The following NFATC2 variants were observed in gnomAD, a reference collection of about 807,000 sequenced individuals.
The protein encoded by NFATC2 is nuclear factor of activated T cells 2.
In NFATC2, 22 loss-of-function variants were observed where a neutral mutation model predicts 87.3. That is an observed-to-expected ratio of 0.25 (90% CI 0.18 to 0.36). NFATC2 has a LOEUF of 0.36. Among genes scored for constraint, NFATC2 ranks in the 10% least tolerant of loss-of-function variants. NFATC2 has a pLI of 1.00. For missense variants in NFATC2, 1,149 were observed against 1,259.1 expected (o/e 0.91, Z 1.32); for synonymous variants, 565 against 542.2 (o/e 1.04, Z -0.58).
intron 10 of NFATC2, among the ~76,000 whole-genome samples, chr20:51,396,735 A>C (rs150625409): frequency 2.7e-4 from 41 of 152,316 alleles, no homozygotes; most frequent in African/African-American, 8.7e-4. Flanking sequence ...TCTGCCTTGC[A>C]GTGCCTTGCT....
chr20:51,526,724 A>G lies in NFATC2; in HGVS notation c.131-2614T>C, dbSNP rs113328725. On this transcript the variant is annotated intron_variant, in intron 1 of 10. Coordinates refer to ENST00000371564, the MANE Select transcript of NFATC2 (RefSeq NM_012340.5). ...GAGGAAATACTGTCCAGTTTAGCCAAGCTGATCTCTTAGGGTCCATATGGT... is the reference window on the plus strand; with the variant it reads ...GAGGAAATACTGTCCAGTTTAGCCAGGCTGATCTCTTAGGGTCCATATGGT... 6.3e-3 allele frequency among the ~76,000 whole-genome samples: 959 copies of G among 152,178 alleles called. 6 individuals carry two copies. The highest frequency in any genetic ancestry group is 0.012 in the African/African-American group (516 of 41,534).
At chr20:51,514,181 C>G (rs1199069783) in intron 3 of NFATC2, among the ~76,000 whole-genome samples, 3 of 152,142 alleles carry the variant, frequency 2.0e-5, no homozygotes, top group African/African-American at 7.2e-5. Context: ...GTGAGAATTT[C>G]CAGCTGTTTT....
chr20:51,427,576 C>T lies in NFATC2; in HGVS notation c.2722+4491G>A, dbSNP rs57850277. Among the ~76,000 whole-genome samples the T allele has an allele frequency of 7.1e-3, 1,086 of 152,236 alleles. 18 individuals are homozygous for T. The highest frequency in any genetic ancestry group is 0.025 in the African/African-American group (1,031 of 41,546). On this transcript the variant is annotated intron_variant, in intron 9 of 10. Coordinates refer to ENST00000371564, the MANE Select transcript of NFATC2 (RefSeq NM_012340.5). ...ACCCTTGACTCCCTATAGTCCATTTCGCAAAGGCAGCCAGAGTGATCTTCT... is the reference window on the plus strand; with the variant it reads ...ACCCTTGACTCCCTATAGTCCATTTTGCAAAGGCAGCCAGAGTGATCTTCT...
chr20:51,457,967 C>T (rs968051853), intron 5 of NFATC2, among the ~76,000 whole-genome samples: 3 of 151,642 alleles, frequency 2.0e-5, no homozygotes, highest in Non-Finnish European at 4.4e-5. Flanking sequence ...CTCACTGCAG[C>T]CTCTGCCTCC....
chr20:51,470,131 G>A (rs982272094), intron 5 of NFATC2, among the ~76,000 whole-genome samples: 4 of 152,150 alleles, frequency 2.6e-5, no homozygotes, highest in African/African-American at 7.2e-5. Flanking sequence ...TCATGGGTAG[G>A]CTTGTTGTTG....
At chr20:51,526,949 A>T (rs954689069) in intron 1 of NFATC2, among the ~76,000 whole-genome samples, 9 of 152,092 alleles carry the variant, frequency 5.9e-5, no homozygotes, top group Admixed American at 1.3e-4. Flanking sequence ...CCCAGGTTGA[A>T]GTGCTGTGGC....
intron 3 of NFATC2, among the ~76,000 whole-genome samples, chr20:51,477,194 A>G (rs1988788845): frequency 6.6e-6 from 1 of 152,208 alleles, no homozygotes; most frequent in East Asian, 1.9e-4. Flanking sequence ...TTTAAAAAAT[A>G]GTAAGGTAGA....
At chr20:51,444,584 A>G (rs948905652) in intron 6 of NFATC2, among the ~76,000 whole-genome samples, 3 of 152,164 alleles carry the variant, frequency 2.0e-5, no homozygotes, top group African/African-American at 7.2e-5. Flanking sequence ...GGAGGAAGGC[A>G]AATCCATCCT....
intron 1 of NFATC2, among the ~76,000 whole-genome samples, chr20:51,527,222 C>G (rs956778039): frequency 1.3e-5 from 2 of 152,104 alleles, no homozygotes; most frequent in African/African-American, 2.4e-5. Flanking sequence ...TTAAAAGCAT[C>G]AAGCTCCTTC....
chr20:51,442,875 T>C (rs1249822517), intron 6 of NFATC2, among the ~76,000 whole-genome samples: 2 of 151,848 alleles, frequency 1.3e-5, no homozygotes, highest in Non-Finnish European at 2.9e-5. Context: ...GGACCATGTA[T>C]GCCTTCCAGC....
intron 4 of NFATC2, among the ~76,000 whole-genome samples, chr20:51,475,209 T>G (rs1005619995): frequency 6.6e-6 from 1 of 152,082 alleles, no homozygotes; most frequent in African/African-American, 2.4e-5. Context: ...TCTCAAGTGA[T>G]CCACCCGCCT....
Position 51,523,134 on chromosome 20 carries a change from C to A in NFATC2, c.1107G>T (p.Leu369=). 6.2e-7 allele frequency: 1 copy of A among 1,614,234 alleles called. No homozygotes were observed. Among genetic ancestry groups the A allele is most frequent in the Non-Finnish European group, 8.5e-7 (1 of 1,180,048 alleles). Reference sequence around the variant, plus strand: ...GCTTGGGCCAAGTGGGCGGAACCAGCAGGATGGATTCTGGAGCCGAGTTTC... The same window carrying A: ...GCTTGGGCCAAGTGGGCGGAACCAGAAGGATGGATTCTGGAGCCGAGTTTC... ...ERRNSAPESI[L]LVPPTWPKPL... Residue 369 remains leucine, a synonymous_variant, in exon 2 of 11, where the codon CTG becomes CTT. Coordinates refer to ENST00000371564, the MANE Select transcript of NFATC2 (RefSeq NM_012340.5). This position sits in a 1 kb window ranked among gnomAD's most constrained non-coding sequence, Gnocchi z 6.9.
At chr20:51,551,678 A>G (rs2146831835) in intron 1 of NFATC2, among the ~76,000 whole-genome samples, 1 of 113,360 alleles carries the variant, frequency 8.8e-6, no homozygotes, top group African/African-American at 4.1e-5. Flanking sequence ...AAAAAAGCTT[A>G]TCATGGAGTT....
intron 1 of NFATC2, among the ~76,000 whole-genome samples, chr20:51,526,062 C>A (rs907259882): frequency 6.6e-6 from 1 of 152,012 alleles, no homozygotes; most frequent in African/African-American, 2.4e-5. Flanking sequence ...CCTCCCACTT[C>A]CCCTGGTTCC....
intron 9 of NFATC2, among the ~76,000 whole-genome samples, chr20:51,424,907 G>T (rs1349528409): frequency 6.6e-6 from 1 of 151,738 alleles, no homozygotes; most frequent in Non-Finnish European, 1.5e-5. Context: ...GCTTCCACGG[G>T]GGTAAAAATT....
Position 51,463,403 on chromosome 20 carries a change from C to T in NFATC2, c.1709-8715G>A, listed in dbSNP as rs144936238. Among the ~76,000 whole-genome samples, 882 of 152,312 alleles carry T rather than the reference C, an allele frequency of 5.8e-3. 8 individuals are homozygous for T. The highest frequency in any genetic ancestry group is 0.02 in the African/African-American group (843 of 41,566). On this transcript the variant is annotated intron_variant, in intron 5 of 10. Coordinates refer to ENST00000371564, the MANE Select transcript of NFATC2 (RefSeq NM_012340.5). ...CGGGGGGCCTCAGCTTCAGCTTTCTCATATGGAGAAATGCAGCAGCACGGC... is the reference window on the plus strand; with the variant it reads ...CGGGGGGCCTCAGCTTCAGCTTTCTTATATGGAGAAATGCAGCAGCACGGC...
intron 6 of NFATC2, among the ~76,000 whole-genome samples, chr20:51,443,376 A>AT (rs1266438612): frequency 2.0e-5 from 3 of 152,234 alleles, no homozygotes; most frequent in African/African-American, 7.2e-5. Flanking sequence ...TACTGGCTGA[A>AT]TAAACAAACA....
At chr20:51,425,533 T>C (rs1464301721) in intron 9 of NFATC2, among the ~76,000 whole-genome samples, 2 of 152,340 alleles carry the variant, frequency 1.3e-5, no homozygotes, top group African/African-American at 4.8e-5. Flanking sequence ...GGCCCAGCCC[T>C]GCCGGGGTCA....
At chr20:51,448,481 C>G (rs973657111) in intron 6 of NFATC2, among the ~76,000 whole-genome samples, 3 of 152,100 alleles carry the variant, frequency 2.0e-5, no homozygotes, top group Non-Finnish European at 2.9e-5. Flanking sequence ...CTCTACTAAA[C>G]AAACTACAAA....
Sources: allele counts gnomAD v4.1 joint callset (sites outside exome capture counted in the v4.1 genomes callset), GRCh38; gene constraint gnomAD v4.1.1; non-coding constraint Gnocchi (gnomAD v3.1); transcripts MANE v1.5; gene names NCBI Gene and HGNC (gene_info 2026-07-23, HGNC 2026-07-21).